The following GOSR2 variants were observed in gnomAD, a reference collection of about 807,000 sequenced individuals.
GOSR2 encodes the protein 27 kDa Golgi SNARE protein.
A neutral mutation model predicts 27.9 loss-of-function variants in GOSR2; 20 were observed. That is an observed-to-expected ratio of 0.72 (90% CI 0.50 to 1.04). The LOEUF (loss-of-function observed/expected upper bound fraction) is 1.04, where lower values mean the gene tolerates loss of function less well. Ranked by LOEUF, GOSR2 falls within the 50% of genes least tolerant of loss-of-function variation. The pLI, the probability that GOSR2 is intolerant of heterozygous loss-of-function variation, is 0.00. For synonymous variants in GOSR2, 91 were observed against 98.8 expected, an observed-to-expected ratio of 0.92 and a Z score of 0.47; for missense variants, 261 against 270.5, an observed-to-expected ratio of 0.97 and a Z score of 0.25.
intron 1 of GOSR2, chr17:46,923,448 G>C: frequency 7.1e-7 from 1 of 1,413,028 alleles, no homozygotes; most frequent in Non-Finnish European, 9.2e-7. Flanking sequence ...TGACTCCTGG[G>C]GTCTGCAAGT....
intron 5 of GOSR2, chr17:46,936,435 G>A (rs541730396): frequency 1.2e-4 from 116 of 985,346 alleles, no homozygotes; most frequent in Non-Finnish European, 1.3e-4. Flanking sequence ...CTGTGAGGTG[G>A]CTGGGGGTTG....
At chr17:46,951,423 G>A (rs1202986102) in intron 6 of GOSR2, among the ~76,000 whole-genome samples, 2 of 152,082 alleles carry the variant, frequency 1.3e-5, no homozygotes, top group African/African-American at 2.4e-5. Context: ...TGGGCTCCTC[G>A]CCCAGCTGCC....
At chr17:46,924,157 T>A (rs2086144582) in intron 1 of GOSR2, 1 of 304,376 alleles carries the variant, frequency 3.3e-6, no homozygotes, top group Non-Finnish European at 6.0e-6. Flanking sequence ...GTAACCTCTG[T>A]TTTACTTCTC....
intron 4 of GOSR2, among the ~76,000 whole-genome samples, chr17:46,934,464 G>C (rs942738600): frequency 5.9e-5 from 9 of 152,162 alleles, no homozygotes; most frequent in African/African-American, 2.2e-4. Flanking sequence ...TAAGGTTGCA[G>C]TGAGCTGAGA....
downstream of GOSR2, among the ~76,000 whole-genome samples, chr17:46,944,932 A>G (rs914399291): frequency 6.6e-6 from 1 of 152,132 alleles, no homozygotes; most frequent in Non-Finnish European, 1.5e-5. Context: ...GTCTCCTGTG[A>G]GGTCGAGATT....
chr17:46,968,416 C>T (rs532847633), downstream of GOSR2, among the ~76,000 whole-genome samples: 25 of 152,384 alleles, frequency 1.6e-4, no homozygotes, highest in East Asian at 1.9e-4. Flanking sequence ...CCCACGCTTA[C>T]ATCCTAAAGC....
chr17:46,930,047 A>ATT (rs35194907), intron 2 of GOSR2: 9 of 124,084 alleles, frequency 7.3e-5, no homozygotes, highest in South Asian at 5.0e-4. Flanking sequence ...GTTTTTTTTC[A>ATT]TTTTTTTTTT....
chr17:46,954,788 A>G (rs536944871), intron 6 of GOSR2, among the ~76,000 whole-genome samples: 481 of 152,324 alleles, frequency 3.2e-3, no homozygotes, highest in Non-Finnish European at 4.2e-3. Context: ...CTTTGAAGCA[A>G]TTGTGAATGG....
chr17:46,941,062 C>T lies in GOSR2; in HGVS notation c.*2302C>T, dbSNP rs746719239. On this transcript the variant is annotated 3_prime_UTR_variant, in exon 6 of 6. Coordinates refer to ENST00000640051, the MANE Select transcript of GOSR2 (RefSeq NM_004287.5). ...TGATGCAAGAAACTCCGGTAGCCAG[C>T]CTCTGTGACCTTGTACATGAGTTTG... 1.9e-6 allele frequency: 2 copies of T among 1,079,362 alleles called. No individual in the cohort carries two copies. Among genetic ancestry groups the T allele is most frequent in the Non-Finnish European group, 2.3e-6 (2 of 885,178 alleles). The allele number at this position is 1,079,362 out of a possible 1,614,324, so 66.9% of individuals were successfully genotyped here.
downstream of GOSR2, among the ~76,000 whole-genome samples, chr17:46,946,203 A>G (rs2089853303): frequency 6.7e-6 from 1 of 149,762 alleles, no homozygotes; most frequent in Non-Finnish European, 1.5e-5. Context: ...TGGGAGGCCG[A>G]GGTGGGCAGA....
downstream of GOSR2, among the ~76,000 whole-genome samples, chr17:46,942,800 C>T (rs2147115484): frequency 6.6e-6 from 1 of 152,346 alleles, no homozygotes; most frequent in African/African-American, 2.4e-5. Context: ...AGTGTCATTC[C>T]TTCCCCATTT....
At chr17:46,975,760 G>A (rs982089526), downstream of GOSR2, among the ~76,000 whole-genome samples, 4 of 152,148 alleles carry the variant, frequency 2.6e-5, no homozygotes, top group Admixed American at 6.5e-5. Context: ...TAGTACACAC[G>A]CGTCTTCACT....
At chr17:46,957,885 A>G (rs1167233830) in intron 6 of GOSR2, among the ~76,000 whole-genome samples, 2 of 152,184 alleles carry the variant, frequency 1.3e-5, no homozygotes. Context: ...AACGGAGGCA[A>G]GGCACTCACC....
chr17:46,957,608 G>A (rs985775735), intron 6 of GOSR2, among the ~76,000 whole-genome samples: 1 of 138,278 alleles, frequency 7.2e-6, no homozygotes, highest in Non-Finnish European at 1.6e-5. Context: ...GTGAGACTTG[G>A]TCTCAAAACA....
At chr17:46,946,038 G>A (rs536357231), downstream of GOSR2, among the ~76,000 whole-genome samples, 46 of 152,204 alleles carry the variant, frequency 3.0e-4, no homozygotes, top group South Asian at 7.3e-3. Context: ...CTTGGAAGGC[G>A]GGGCCTCCAG....
chr17:46,974,037 T>A (rs1008728390), intron 6 of GOSR2, among the ~76,000 whole-genome samples: 2 of 152,148 alleles, frequency 1.3e-5, no homozygotes, highest in South Asian at 4.1e-4. Flanking sequence ...GACAAGTAAG[T>A]AAGAAAGTAA....
At chr17:46,962,041 A>T (rs1164798467) in intron 6 of GOSR2, among the ~76,000 whole-genome samples, 1 of 152,188 alleles carries the variant, frequency 6.6e-6, no homozygotes, top group Non-Finnish European at 1.5e-5. Flanking sequence ...TTCCAAAAAT[A>T]AAAATAGGGG....
At chr17:46,949,623 C>T (rs564472705) in intron 6 of GOSR2, among the ~76,000 whole-genome samples, 1 of 152,330 alleles carries the variant, frequency 6.6e-6, no homozygotes, top group South Asian at 2.1e-4. Context: ...GGAAGACATA[C>T]ATGAGCATGC....
chr17:46,975,595 CT>C (rs2091439787), downstream of GOSR2: 1 of 152,312 alleles, frequency 6.6e-6, no homozygotes. Flanking sequence ...ACCTCTTGCC[CT>C]CACCCCTTCT....
Sources: allele counts gnomAD v4.1 joint callset (sites outside exome capture counted in the v4.1 genomes callset), GRCh38; gene constraint gnomAD v4.1.1; transcripts MANE v1.5; gene names NCBI Gene and HGNC (gene_info 2026-07-23, HGNC 2026-07-21).